The following SENP6 variants were observed in gnomAD, a reference collection of about 807,000 sequenced individuals.
The protein encoded by SENP6 is SUMO specific peptidase 6.
A neutral mutation model predicts 134.5 loss-of-function variants in SENP6; 41 were observed. The ratio of observed to expected loss-of-function variants is 0.30; its 90% CI spans 0.24 to 0.40. SENP6 has a LOEUF of 0.40. Ranked by LOEUF, SENP6 falls within the 10% of genes least tolerant of loss-of-function variation. The probability of loss-of-function intolerance (pLI) is 1.00; values close to 1 mark genes in which losing one functional copy is unlikely to be tolerated. For missense variants in SENP6, 1,248 were observed against 1,312.5 expected, an observed-to-expected ratio of 0.95 and a Z score of 0.76; for synonymous variants, 395 against 429.8, an observed-to-expected ratio of 0.92 and a Z score of 1.00.
At chr6:75,679,051 T>C (rs1210452838) in intron 16 of SENP6, 124 bp downstream of exon 16, 2 of 584,518 alleles carry the variant, frequency 3.4e-6, no homozygotes, top group Non-Finnish European at 6.0e-6. Context: ...CTGTGTGACA[T>C]TTGGGGAGTT....
chr6:75,688,766 A>C (rs958108410), intron 16 of SENP6, among the ~76,000 whole-genome samples: 4 of 152,166 alleles, frequency 2.6e-5, no homozygotes, highest in Admixed American at 1.3e-4. Flanking sequence ...ACAAAAAAGA[A>C]AATTTTAATT....
At chr6:75,612,540 A>G (rs1473240694) in intron 1 of SENP6, among the ~76,000 whole-genome samples, 2 of 152,070 alleles carry the variant, frequency 1.3e-5, no homozygotes, top group African/African-American at 2.4e-5. Flanking sequence ...TATGCTGCTC[A>G]GGCTGCTCTC....
chr6:75,661,107 T>TA (rs1322869639), intron 8 of SENP6, among the ~76,000 whole-genome samples: 2 of 152,208 alleles, frequency 1.3e-5, no homozygotes, highest in Admixed American at 1.3e-4. Flanking sequence ...AGCTAAGAAA[T>TA]ACATGTGTGT....
chr6:75,705,824 G>T (rs1015195066), intron 19 of SENP6, among the ~76,000 whole-genome samples: 25 of 146,922 alleles, frequency 1.7e-4, no homozygotes, highest in Non-Finnish European at 3.4e-4. Context: ...TAAATTATGT[G>T]AATTCAGAAA....
intron 19 of SENP6, among the ~76,000 whole-genome samples, chr6:75,706,967 C>G (rs924919960): frequency 6.6e-6 from 1 of 152,226 alleles, no homozygotes; most frequent in Non-Finnish European, 1.5e-5. Flanking sequence ...CACTCAACAT[C>G]TTCACATGGT....
intron 9 of SENP6, among the ~76,000 whole-genome samples, chr6:75,666,152 CATATATGATATATATATAAAACGT>C (rs1241953234): frequency 5.7e-5 from 8 of 140,042 alleles, no homozygotes; most frequent in South Asian, 2.2e-4. Flanking sequence ...ATATATAAAA[CATATATGATATATATATAAAACGT>C]ATATATGATA....
At chr6:75,687,883 C>T (rs1415422180) in intron 16 of SENP6, among the ~76,000 whole-genome samples, 1 of 152,216 alleles carries the variant, frequency 6.6e-6, no homozygotes, top group Non-Finnish European at 1.5e-5. Flanking sequence ...GCATTCTGTC[C>T]GTTCTCAGAG....
chr6:75,714,126 A>G (rs1485828008), intron 23 of SENP6, among the ~76,000 whole-genome samples: 2 of 152,128 alleles, frequency 1.3e-5, no homozygotes, highest in East Asian at 1.9e-4. Context: ...TGCCTCTTTT[A>G]GCCTCTTTTC....
intron 23 of SENP6, among the ~76,000 whole-genome samples, chr6:75,714,589 TGG>T (rs2149909735): frequency 6.6e-6 from 1 of 152,336 alleles, no homozygotes; most frequent in African/African-American, 2.4e-5. Flanking sequence ...AATCTTATAG[TGG>T]CTTCCTGTGG....
intron 3 of SENP6, among the ~76,000 whole-genome samples, chr6:75,624,813 A>G (rs934145724): frequency 2.6e-5 from 4 of 152,184 alleles, no homozygotes; most frequent in Non-Finnish European, 5.9e-5. Context: ...TTATTAAGAT[A>G]GCATGATATG....
chr6:75,662,748 A>G (rs1411304961), intron 8 of SENP6, among the ~76,000 whole-genome samples: 2 of 152,162 alleles, frequency 1.3e-5, no homozygotes, highest in African/African-American at 4.8e-5. Flanking sequence ...AATAGTAGGA[A>G]TGTGTTTTTT....
At chr6:75,670,391 A>AT (rs1772576291) in intron 10 of SENP6, among the ~76,000 whole-genome samples, 162 bp from the exon 11 acceptor site, 1 of 152,260 alleles carries the variant, frequency 6.6e-6, no homozygotes. Context: ...TTACTGTTAT[A>AT]TAAAAACCAT....
At chr6:75,633,509 T>C in intron 3 of SENP6, 72 bp from the exon 4 acceptor site, 1 of 1,306,454 alleles carries the variant, frequency 7.7e-7, no homozygotes, top group Admixed American at 2.4e-5. Flanking sequence ...TTTTAAATGG[T>C]TTTCAAATAG....
intron 8 of SENP6, among the ~76,000 whole-genome samples, chr6:75,662,798 T>C (rs1212805496): frequency 1.3e-5 from 2 of 152,190 alleles, no homozygotes; most frequent in African/African-American, 4.8e-5. Context: ...ACAGCACTTT[T>C]CCATGGAATT....
chr6:75,669,276 C>G (rs1419761832), intron 10 of SENP6, among the ~76,000 whole-genome samples: 1 of 151,938 alleles, frequency 6.6e-6, no homozygotes, highest in Non-Finnish European at 1.5e-5. Context: ...TGCTTGAACC[C>G]CCTAGGGAGG....
intron 4 of SENP6, among the ~76,000 whole-genome samples, chr6:75,634,502 A>T (rs1769356474): frequency 1.3e-5 from 2 of 151,908 alleles, no homozygotes; most frequent in Admixed American, 1.3e-4. Context: ...CTATTTTTAA[A>T]TTTTTCTTTA....
chr6:75,666,016 T>G (rs2149868157), intron 9 of SENP6, among the ~76,000 whole-genome samples: 1 of 148,722 alleles, frequency 6.7e-6, no homozygotes, highest in African/African-American at 2.5e-5. Flanking sequence ...CAGAATGAGA[T>G]TCCATCTCAA....
intron 10 of SENP6, among the ~76,000 whole-genome samples, chr6:75,667,386 C>A (rs528647468): frequency 6.6e-6 from 1 of 152,164 alleles, no homozygotes; most frequent in East Asian, 1.9e-4. Context: ...ATGCAGATGA[C>A]ATAGTATTTT....
chr6:75,707,196 T>C (rs1377812593), intron 19 of SENP6, among the ~76,000 whole-genome samples: 1 of 152,226 alleles, frequency 6.6e-6, no homozygotes, highest in East Asian at 1.9e-4. Flanking sequence ...GATTTGCTGC[T>C]GGAAGTAACC....
Sources: gnomAD v4.1 joint callset for allele counts (sites outside exome capture counted in the v4.1 genomes callset) on GRCh38, gnomAD v4.1.1 for gene constraint, MANE v1.5 for transcripts, NCBI Gene and HGNC (gene_info 2026-07-23, HGNC 2026-07-21) for gene names.